KCNQ5: variants seen among roughly 807,000 people sequenced by gnomAD.
KCNQ5 encodes potassium voltage-gated channel subfamily KQT member 5.
KCNQ5 carries 30 observed loss-of-function variants against 98.2 expected under a neutral mutation model. That is an observed-to-expected ratio of 0.31 (90% confidence interval 0.23 to 0.41). KCNQ5 has a LOEUF of 0.41. KCNQ5 is among the 10% of genes least tolerant of loss of function. The probability of loss-of-function intolerance (pLI) is 1.00; values close to 1 mark genes in which losing one functional copy is unlikely to be tolerated. For missense variants in KCNQ5, 835 were observed against 1,182.5 expected, an observed-to-expected ratio of 0.71 and a Z score of 4.31; for synonymous variants, 458 against 449.4, an observed-to-expected ratio of 1.02 and a Z score of -0.24.
At chr6:72,761,752 A>G (rs1426623121) in intron 1 of KCNQ5, among the ~76,000 whole-genome samples, 2 of 152,078 alleles carry the variant, frequency 1.3e-5, no homozygotes, top group African/African-American at 2.4e-5. Context: ...TTAGTATTTT[A>G]CATCTTTAAG....
intron 5 of KCNQ5, among the ~76,000 whole-genome samples, chr6:73,093,105 C>T (rs1039636469): frequency 2.6e-5 from 4 of 151,998 alleles, no homozygotes; most frequent in Non-Finnish European, 4.4e-5. Flanking sequence ...GTCATTCAGG[C>T]TATCTAATTC....
In KCNQ5 at chr6:72,622,121, C is replaced by T; in HGVS notation, c.-69C>T. ...CGCCGGCTTCCTCCTTGAAACCCGCCGGCGCACATGAGGCCGCTGCCCCCG... is the reference window on the plus strand; with the variant it reads ...CGCCGGCTTCCTCCTTGAAACCCGCTGGCGCACATGAGGCCGCTGCCCCCG... On this transcript the variant is annotated 5_prime_UTR_variant, in exon 1 of 14. Transcript: ENST00000370398. The surrounding 1 kb of genome is among the most constrained non-coding windows in gnomAD (Gnocchi z 6.0). 1 of 1,194,292 alleles carries T rather than the reference C, an allele frequency of 8.4e-7. No individual in the cohort carries two copies. Among genetic ancestry groups the T allele is most frequent in the Non-Finnish European group, 1.0e-6 (1 of 960,034 alleles). 74.0% of individuals were successfully genotyped at this position (1,194,292 alleles called of 1,614,324 possible).
intron 2 of KCNQ5, among the ~76,000 whole-genome samples, chr6:73,019,615 T>A (rs1020994343): frequency 3.9e-5 from 6 of 152,186 alleles, no homozygotes; most frequent in African/African-American, 1.4e-4. Context: ...TCTACTCTCC[T>A]TTATCCAGCT....
At chr6:72,933,141 T>C (rs1765763234) in intron 1 of KCNQ5, among the ~76,000 whole-genome samples, 1 of 152,048 alleles carries the variant, frequency 6.6e-6, no homozygotes, top group South Asian at 2.1e-4. Flanking sequence ...TATTTTGGAG[T>C]ATGATAAATT....
chr6:72,797,595 G>C (rs1250272865), intron 1 of KCNQ5, among the ~76,000 whole-genome samples: 1 of 151,962 alleles, frequency 6.6e-6, no homozygotes, highest in Non-Finnish European at 1.5e-5. Flanking sequence ...CAGCCATTAA[G>C]TTAATGTTAT....
At chr6:72,800,168 C>G (rs549378588) in intron 1 of KCNQ5, among the ~76,000 whole-genome samples, 7 of 152,142 alleles carry the variant, frequency 4.6e-5, no homozygotes, top group South Asian at 2.1e-4. Flanking sequence ...TAATGCCACA[C>G]ACTTTTTATT....
intron 1 of KCNQ5, among the ~76,000 whole-genome samples, chr6:72,875,316 C>A (rs1778366264): frequency 6.6e-6 from 1 of 152,132 alleles, no homozygotes; most frequent in Non-Finnish European, 1.5e-5. Flanking sequence ...AATATGAATT[C>A]TCCAAGAATG....
intron 1 of KCNQ5, among the ~76,000 whole-genome samples, chr6:72,659,951 A>C (rs913041941): frequency 1.3e-5 from 2 of 152,010 alleles, no homozygotes; most frequent in African/African-American, 4.8e-5. Context: ...CACCTTCTCC[A>C]CTTTCATCTT....
At chr6:73,003,886 T>A in intron 1 of KCNQ5, 22 bp from the exon 2 acceptor site, 1 of 1,498,548 alleles carries the variant, frequency 6.7e-7, no homozygotes, top group Non-Finnish European at 9.3e-7. Context: ...CTTATCAGAT[T>A]TCTCTTTTTG....
At chr6:72,885,010 G>T (rs1210625502) in intron 1 of KCNQ5, among the ~76,000 whole-genome samples, 1 of 152,076 alleles carries the variant, frequency 6.6e-6, no homozygotes, top group Non-Finnish European at 1.5e-5. Context: ...ACTTCTCTCA[G>T]CCTCAGTTAC....
At chr6:73,072,277 T>TG (rs2150386347) in intron 3 of KCNQ5, among the ~76,000 whole-genome samples, 1 of 152,342 alleles carries the variant, frequency 6.6e-6, no homozygotes, top group Non-Finnish European at 1.5e-5. Flanking sequence ...AGGGTTTATC[T>TG]GTCCTTATAA....
At chr6:72,684,816 ATG>A (rs1225517142) in intron 1 of KCNQ5, among the ~76,000 whole-genome samples, 2 of 152,100 alleles carry the variant, frequency 1.3e-5, no homozygotes, top group African/African-American at 2.4e-5. Context: ...ATGATAAAGA[ATG>A]TGTGTGTATG....
chr6:72,678,498 C>T (rs2154473670), intron 1 of KCNQ5: 1 of 149,862 alleles, frequency 6.7e-6, no homozygotes, highest in South Asian at 2.1e-4. Flanking sequence ...TTAAATAAAA[C>T]CTTGCATTAG....
intron 5 of KCNQ5, among the ~76,000 whole-genome samples, chr6:73,085,148 T>A (rs1385764000): frequency 6.6e-6 from 1 of 152,158 alleles, no homozygotes; most frequent in African/African-American, 2.4e-5. Context: ...GGTCCTTGAC[T>A]TAAAATGTCA....
intron 1 of KCNQ5, among the ~76,000 whole-genome samples, chr6:72,628,014 G>A (rs774835974): frequency 1.2e-4 from 18 of 152,094 alleles, no homozygotes; most frequent in Non-Finnish European, 2.1e-4. Context: ...TACTGTCATC[G>A]TGGGCTACTT....
chr6:72,930,505 G>A (rs1383395095), intron 1 of KCNQ5, among the ~76,000 whole-genome samples: 1 of 147,598 alleles, frequency 6.8e-6, no homozygotes, highest in Non-Finnish European at 1.5e-5. Flanking sequence ...TAAACCAAGA[G>A]GATTTAGCTA....
chr6:72,801,132 T>A (rs1774627766), intron 1 of KCNQ5, among the ~76,000 whole-genome samples: 2 of 152,036 alleles, frequency 1.3e-5, no homozygotes, highest in Admixed American at 1.3e-4. Flanking sequence ...TCTGGAGATG[T>A]CTATTAGGTC....
intron 1 of KCNQ5, among the ~76,000 whole-genome samples, chr6:72,737,399 A>C (rs1582196969): frequency 6.6e-6 from 1 of 151,982 alleles, no homozygotes; most frequent in Non-Finnish European, 1.5e-5. Flanking sequence ...CAAAGCTTGC[A>C]CTGCCTCTGG....
chr6:72,988,463 A>T (rs891830227), intron 1 of KCNQ5, among the ~76,000 whole-genome samples: 2 of 152,092 alleles, frequency 1.3e-5, no homozygotes, highest in Non-Finnish European at 2.9e-5. Context: ...TTGAGTACCC[A>T]CGGTCGTAAA....
Sources: allele counts gnomAD v4.1 joint callset (sites outside exome capture counted in the v4.1 genomes callset), GRCh38; gene constraint gnomAD v4.1.1; non-coding constraint Gnocchi (gnomAD v3.1); transcripts MANE v1.5; gene names NCBI Gene and HGNC (gene_info 2026-07-23, HGNC 2026-07-21).